The following B3GALT1 variants were observed in gnomAD, a reference collection of about 807,000 sequenced individuals.
B3GALT1 encodes beta-1,3-galactosyltransferase 1, also known as UDP-Gal:betaGlcNAc beta 1,3-galactosyltransferase, polypeptide 1.
B3GALT1 carries 10 observed loss-of-function variants against 23.2 expected under a neutral mutation model. That is an observed-to-expected ratio of 0.43 (90% CI 0.27 to 0.73). B3GALT1 has a LOEUF of 0.73. B3GALT1 is among the 30% of genes least tolerant of loss of function. The pLI, the probability that B3GALT1 is intolerant of heterozygous loss-of-function variation, is 0.21. For missense variants in B3GALT1, 299 were observed against 405.4 expected (o/e 0.74, Z 2.25); for synonymous variants, 156 against 141.5 (o/e 1.10, Z -0.73).
intron 2 of B3GALT1, among the ~76,000 whole-genome samples, chr2:167,563,887 G>A (rs1238368064): frequency 7.4e-5 from 2 of 27,164 alleles, no homozygotes; most frequent in African/African-American, 2.7e-4. Context: ...GCCGGACGGG[G>A]CGGCCGGCCG....
chr2:167,568,938 C>T (rs113123255), intron 2 of B3GALT1, among the ~76,000 whole-genome samples: 1 of 151,976 alleles, frequency 6.6e-6, no homozygotes, highest in African/African-American at 2.4e-5. Flanking sequence ...TTGTTTTGCA[C>T]GTGGATGTGC....
At chr2:167,844,968 G>A (rs893252555) in intron 4 of B3GALT1, among the ~76,000 whole-genome samples, 3 of 152,050 alleles carry the variant, frequency 2.0e-5, no homozygotes, top group Non-Finnish European at 4.4e-5. Flanking sequence ...TGTGACTGCC[G>A]GCTTTGCCCC....
intron 1 of B3GALT1, among the ~76,000 whole-genome samples, chr2:167,480,013 G>A (rs1266555101): frequency 6.6e-6 from 1 of 152,110 alleles, no homozygotes. Context: ...TGTCTGGATG[G>A]GGTCAGTCAG....
chr2:167,694,420 C>T (rs1476223979), intron 3 of B3GALT1, among the ~76,000 whole-genome samples: 1 of 152,032 alleles, frequency 6.6e-6, no homozygotes, highest in African/African-American at 2.4e-5. Flanking sequence ...ATTACTGTAA[C>T]AAAACTTCCT....
In B3GALT1 at chr2:167,715,738, C is replaced by G. The variant is rs188146165; in HGVS notation, c.-352+68772C>G. Reference sequence around the variant, plus strand: ...CAAAGCTGGCATCCTCTAAAGATGACTGTACTTCATAGCCTTCATACTCTT... The same window carrying G: ...CAAAGCTGGCATCCTCTAAAGATGAGTGTACTTCATAGCCTTCATACTCTT... On this transcript the variant is annotated intron_variant, in intron 3 of 4. Transcript: ENST00000392690. 2.7e-4 allele frequency: 436 copies of G among 1,613,118 alleles called. 4 individuals are homozygous for G. In the African/African-American group the frequency reaches 4.8e-3, roughly 18 times the overall value.
chr2:167,413,851 T>A (rs572737504), intron 1 of B3GALT1, among the ~76,000 whole-genome samples: 18 of 152,188 alleles, frequency 1.2e-4, no homozygotes, highest in African/African-American at 4.1e-4. Context: ...ATTTTTTCTT[T>A]CTTGGAATAC....
intron 2 of B3GALT1, among the ~76,000 whole-genome samples, chr2:167,520,055 G>C (rs1367377156): frequency 6.9e-6 from 1 of 144,768 alleles, no homozygotes; most frequent in Non-Finnish European, 1.5e-5. Flanking sequence ...AAAAAAAAAA[G>C]AAAAGAAAGA....
At chr2:167,733,288 G>A (rs1010153347) in intron 3 of B3GALT1, among the ~76,000 whole-genome samples, 1 of 152,094 alleles carries the variant, frequency 6.6e-6, no homozygotes, top group African/African-American at 2.4e-5. Context: ...TACCTACCTT[G>A]TGATGCCTTA....
At chr2:167,424,058 G>A (rs1438421274) in intron 1 of B3GALT1, among the ~76,000 whole-genome samples, 2 of 152,140 alleles carry the variant, frequency 1.3e-5, no homozygotes, top group African/African-American at 2.4e-5. Flanking sequence ...GCTTTCAAAT[G>A]TCCAGATGCC....
At chr2:167,854,097 T>A (rs754333848) in intron 4 of B3GALT1, among the ~76,000 whole-genome samples, 9 of 152,190 alleles carry the variant, frequency 5.9e-5, no homozygotes, top group Non-Finnish European at 1.2e-4. Context: ...TGGTTGATAT[T>A]TCTCTTGGAC....
intron 2 of B3GALT1, among the ~76,000 whole-genome samples, chr2:167,562,258 C>A (rs753875620): frequency 1.3e-4 from 19 of 151,958 alleles, no homozygotes; most frequent in African/African-American, 2.9e-4. Flanking sequence ...ATTCAACAAC[C>A]CTTCATGCTA....
At chr2:167,409,071 C>G (rs760930084) in intron 1 of B3GALT1, among the ~76,000 whole-genome samples, 2 of 152,180 alleles carry the variant, frequency 1.3e-5, no homozygotes, top group Non-Finnish European at 2.9e-5. Context: ...CCAAAACAAT[C>G]TTGAGCAAAA....
At chr2:167,332,822 G>T (rs989878746) in intron 1 of B3GALT1, among the ~76,000 whole-genome samples, 1 of 152,192 alleles carries the variant, frequency 6.6e-6, no homozygotes, top group Non-Finnish European at 1.5e-5. Flanking sequence ...ACTGTTATCA[G>T]TTAAGCAGTG....
chr2:167,792,112 G>A (rs909310812), intron 3 of B3GALT1, among the ~76,000 whole-genome samples: 1 of 151,970 alleles, frequency 6.6e-6, no homozygotes, highest in Non-Finnish European at 1.5e-5. Context: ...CGGGATCCTG[G>A]TTATTGTGGT....
In B3GALT1 at chr2:167,716,109, C is replaced by T. The variant is rs549541737; in HGVS notation, c.-352+69143C>T. 1.3e-4 allele frequency: 195 copies of T among 1,505,820 alleles called. No individual in the cohort carries two copies. The African/African-American group carries it at 2.4e-3, about 18-fold the overall frequency. The allele number at this position is 1,505,820 out of a possible 1,614,324, so 93.3% of individuals were successfully genotyped here. Reference sequence around the variant, plus strand: ...CGGTCACCGCAGTTAACACTGGCCACAACAAGCGGTGGAGAACACGCAGCC... The same window carrying T: ...CGGTCACCGCAGTTAACACTGGCCATAACAAGCGGTGGAGAACACGCAGCC... On this transcript the variant is annotated intron_variant, in intron 3 of 4. Transcript: ENST00000392690.
intron 1 of B3GALT1, among the ~76,000 whole-genome samples, chr2:167,299,082 G>C (rs1361456949): frequency 2.6e-5 from 4 of 152,110 alleles, no homozygotes; most frequent in Non-Finnish European, 5.9e-5. Flanking sequence ...AGAAGAGATG[G>C]TTTATAACTG....
chr2:167,360,121 A>T (rs1005261350), intron 1 of B3GALT1, among the ~76,000 whole-genome samples: 36 of 152,182 alleles, frequency 2.4e-4, no homozygotes, highest in Admixed American at 5.2e-4. Flanking sequence ...TTAAGTCAAA[A>T]TCAATTGTAA....
At chr2:167,687,739 C>T (rs1364217628) in intron 3 of B3GALT1, among the ~76,000 whole-genome samples, 3 of 152,032 alleles carry the variant, frequency 2.0e-5, no homozygotes, top group Non-Finnish European at 2.9e-5. Context: ...ATGTTTTTCA[C>T]CATTTAAATG....
At position 167,869,340 on chromosome 2, in the gene B3GALT1, T is replaced by TG. The variant is rs767927493; in HGVS notation, c.307dup (p.Asp103GlyfsTer2). The TG allele has an allele frequency of 6.2e-7, 1 of 1,614,046 alleles. No homozygotes were observed. ...TGCCCGTCAGGCAATCAGAGAGACG[T>TG]GGGGGGATGAGAACAACTTTAAGGG... On this transcript the variant is annotated frameshift_variant, in exon 5 of 5. Transcript: ENST00000392690. LOFTEE classifies it high-confidence loss of function. The surrounding 1 kb of genome is among the most constrained non-coding windows in gnomAD (Gnocchi z 6.4).
Sources: allele counts gnomAD v4.1 joint callset (sites outside exome capture counted in the v4.1 genomes callset), GRCh38; gene constraint gnomAD v4.1.1; non-coding constraint Gnocchi (gnomAD v3.1); transcripts MANE v1.5; gene names NCBI Gene and HGNC (gene_info 2026-07-23, HGNC 2026-07-21).